The following TBL1X variants were observed in gnomAD, a reference collection of about 807,000 sequenced individuals.
TBL1X encodes the protein transducin beta like 1 X-linked.
In TBL1X, 10 loss-of-function variants were observed where a neutral mutation model predicts 50.7. That is an observed-to-expected ratio of 0.20 (90% confidence interval 0.12 to 0.33). The LOEUF is 0.33. Among genes scored for constraint, TBL1X ranks in the 10% least tolerant of loss-of-function variants. The pLI is 1.00. For missense variants in TBL1X, 340 were observed against 504.4 expected (o/e 0.67, Z 3.12); for synonymous variants, 190 against 214.7 (o/e 0.88, Z 1.01).
intron 5 of TBL1X, among the ~76,000 whole-genome samples, chrX:9,681,267 A>T (rs1009898086): frequency 2.7e-5 from 3 of 111,904 alleles, no homozygotes; most frequent in Non-Finnish European, 5.6e-5. Context: ...GTCTGTGTCC[A>T]TGCAGGGAAT....
At chrX:9,469,666 T>C (rs998705687) in intron 1 of TBL1X, among the ~76,000 whole-genome samples, 2 of 112,603 alleles carry the variant, frequency 1.8e-5, no homozygotes, top group Middle Eastern at 4.2e-3. Flanking sequence ...ATTATGAGTC[T>C]TGACACATGC....
At chrX:9,680,904 G>A (rs1480391116) in intron 5 of TBL1X, among the ~76,000 whole-genome samples, 1 of 111,960 alleles carries the variant, frequency 8.9e-6, no homozygotes, top group African/African-American at 3.2e-5. Flanking sequence ...TATTCCTTTC[G>A]GCAGACGACT....
At chrX:9,681,691 A>T (rs1251644136) in intron 5 of TBL1X, among the ~76,000 whole-genome samples, 2 of 112,719 alleles carry the variant, frequency 1.8e-5, no homozygotes, top group Non-Finnish European at 3.7e-5. Flanking sequence ...TTTGCTTGTC[A>T]GGTGCCGTCA....
intron 5 of TBL1X, among the ~76,000 whole-genome samples, chrX:9,673,433 A>G (rs1265864190): frequency 9.0e-6 from 1 of 111,203 alleles, no homozygotes; most frequent in East Asian, 2.8e-4. Context: ...TATTCCTACC[A>G]ATCCCTAGGA....
chrX:9,465,635 C>T (rs1410671515), intron 1 of TBL1X, among the ~76,000 whole-genome samples, 188 bp downstream of exon 1: 3 of 112,765 alleles, frequency 2.7e-5, no homozygotes, highest in Non-Finnish European at 5.7e-5. Context: ...GTGCGGCGCG[C>T]TCCCAGGAGC....
At chrX:9,496,457 A>G (rs1473413326) in intron 1 of TBL1X, among the ~76,000 whole-genome samples, 1 of 112,844 alleles carries the variant, frequency 8.9e-6, no homozygotes, top group Non-Finnish European at 1.9e-5. Context: ...CAGGGCTGAC[A>G]CAGTTGTAAA....
At chrX:9,538,489 A>T (rs2082199928) in intron 2 of TBL1X, among the ~76,000 whole-genome samples, 1 of 112,320 alleles carries the variant, frequency 8.9e-6, no homozygotes, top group South Asian at 3.7e-4. Context: ...TCCTTAAACT[A>T]AGACACATCT....
Position 9,653,663 on chromosome X carries a change from A to C in TBL1X, c.77A>C (p.His26Pro). 1 of 1,171,628 alleles carries C rather than the reference A, an allele frequency of 8.5e-7. No homozygotes were observed. Among genetic ancestry groups the C allele is most frequent in the Non-Finnish European group, 1.1e-6 (1 of 874,986 alleles). ...AGRGAMQSVLHHFQRLRGREG... is the reference protein window; with the variant it reads ...AGRGAMQSVLPHFQRLRGREG... ...AGAGGGGCCATGCAGTCAGTCTTGC[A>C]CCACTTTCAACGTTTGCGAGGGAGA... The change falls in exon 4 of 18, where the codon CAC (histidine) becomes CCC (proline). Residue 26 changes from histidine (H) to proline (P), a missense_variant. Transcript: ENST00000645353.
intron 5 of TBL1X, among the ~76,000 whole-genome samples, chrX:9,670,467 G>A (rs2082954488): frequency 8.9e-6 from 1 of 111,824 alleles, no homozygotes; most frequent in South Asian, 3.7e-4. Flanking sequence ...CCAGTCTCCC[G>A]TACAGCCGGC....
At chrX:9,626,705 C>T (rs2082694674) in intron 2 of TBL1X, among the ~76,000 whole-genome samples, 1 of 112,393 alleles carries the variant, frequency 8.9e-6, no homozygotes, top group South Asian at 3.6e-4. Flanking sequence ...GCTATTCAGG[C>T]ACATAAAAGC....
intron 2 of TBL1X, among the ~76,000 whole-genome samples, chrX:9,606,710 AT>A (rs1309048352): frequency 9.0e-6 from 1 of 110,513 alleles, no homozygotes; most frequent in Non-Finnish European, 1.9e-5. Flanking sequence ...AATGAATCAC[AT>A]ACCAATTTTT....
At chrX:9,693,704 G>T (rs1378790642) in intron 11 of TBL1X, among the ~76,000 whole-genome samples, 1 of 111,719 alleles carries the variant, frequency 9.0e-6, no homozygotes, top group Non-Finnish European at 1.9e-5. Context: ...CATTGCATTT[G>T]TCAGTTGCTG....
At chrX:9,661,222 C>T (rs1174438052) in intron 5 of TBL1X, among the ~76,000 whole-genome samples, 1 of 112,636 alleles carries the variant, frequency 8.9e-6, no homozygotes, top group Non-Finnish European at 1.9e-5. Context: ...TCATTCATTT[C>T]GTGAAGCTTC....
At chrX:9,494,347 G>A (rs761100257) in intron 1 of TBL1X, among the ~76,000 whole-genome samples, 89 of 111,364 alleles carry the variant, frequency 8.0e-4, no homozygotes, top group Non-Finnish European at 1.2e-3. Context: ...ACTCATGTGC[G>A]TCTGACATAA....
At chrX:9,502,423 G>A (rs939337493) in intron 2 of TBL1X, among the ~76,000 whole-genome samples, 3 of 112,332 alleles carry the variant, frequency 2.7e-5, no homozygotes, top group Non-Finnish European at 5.6e-5. Context: ...CTCAGTGCCT[G>A]TGCAGGCAGC....
chrX:9,693,495 T>C (rs1409973701), intron 11 of TBL1X, 76 bp downstream of exon 11: 3 of 975,560 alleles, frequency 3.1e-6, no homozygotes, highest in Non-Finnish European at 2.8e-6. Flanking sequence ...AACATCGTGG[T>C]TTCTTGGAAC....
At chrX:9,618,141 A>C (rs1174765367) in intron 2 of TBL1X, among the ~76,000 whole-genome samples, 3 of 111,912 alleles carry the variant, frequency 2.7e-5, no homozygotes, top group Non-Finnish European at 5.6e-5. Context: ...TAAGGATCTT[A>C]GTCTTGCATT....
chrX:9,525,362 T>A (rs1004344430), intron 2 of TBL1X, among the ~76,000 whole-genome samples: 1 of 112,059 alleles, frequency 8.9e-6, no homozygotes, highest in African/African-American at 3.2e-5. Context: ...TATGCTTTTA[T>A]TTTTATTTTT....
intron 2 of TBL1X, among the ~76,000 whole-genome samples, chrX:9,519,116 G>A (rs925782744): frequency 8.9e-6 from 1 of 111,905 alleles, no homozygotes; most frequent in African/African-American, 3.3e-5. Context: ...ATGCCGCGTG[G>A]TTTCTGTCTT....
Sources: allele counts gnomAD v4.1 joint callset (sites outside exome capture counted in the v4.1 genomes callset), GRCh38; gene constraint gnomAD v4.1.1; transcripts MANE v1.5; gene names NCBI Gene and HGNC (gene_info 2026-07-23, HGNC 2026-07-21).